Variants in MFSD6 observed in about 807,000 individuals in gnomAD.
The protein encoded by MFSD6 is major facilitator superfamily domain-containing protein 6.
Under a neutral mutation model 56.3 loss-of-function variants are expected in MFSD6, and 26 were observed. That is an observed-to-expected ratio of 0.46 (90% CI 0.34 to 0.64). MFSD6 has a LOEUF of 0.64. MFSD6 is among the 30% of genes least tolerant of loss of function. The pLI is 0.01. For missense variants in MFSD6, 750 were observed against 986.2 expected (o/e 0.76, Z 3.21); for synonymous variants, 331 against 366.9 (o/e 0.90, Z 1.12).
At chr2:190,472,648 G>C (rs1345262049) in intron 4 of MFSD6, among the ~76,000 whole-genome samples, 1 of 152,208 alleles carries the variant, frequency 6.6e-6, no homozygotes, top group Admixed American at 6.5e-5. Context: ...ATGGAACCAA[G>C]TTGGAAAACA....
chr2:190,463,857 G>T lies in MFSD6; in HGVS notation c.1533-5901G>T. The stretch of plus-strand genomic sequence containing the variant: ...ATAAATAAAATAAAAATAAAAAGCT[G>T]AGAATGATGGAGCCCAATCTAAGGG... On this transcript the variant is annotated intron_variant, in intron 3 of 7. Transcript: ENST00000392328. This position sits in a 1 kb window ranked among gnomAD's most constrained non-coding sequence, Gnocchi z 4.4. 1.0e-6 allele frequency: 1 copy of T among 979,974 alleles called. No individual in the cohort carries two copies. The highest frequency in any genetic ancestry group is 1.2e-6 in the Non-Finnish European group (1 of 825,140). 60.7% of individuals were successfully genotyped at this position (979,974 alleles called of 1,614,324 possible). A position where few individuals can be genotyped will look rare whatever the true frequency, so the allele number is the denominator to read the frequency against.
In MFSD6 at chr2:190,457,407, T is replaced by C. The variant is rs1416669190; in HGVS notation, c.1533-12351T>C. ...CCTAGCAGACCCCACTTCTTCCTGTTGGCCCCCTACCCCCAGGACTCAGAC... is the reference window on the plus strand; with the variant it reads ...CCTAGCAGACCCCACTTCTTCCTGTCGGCCCCCTACCCCCAGGACTCAGAC... On this transcript the variant is annotated intron_variant, in intron 3 of 7. Transcript: ENST00000392328. This position sits in a 1 kb window ranked among gnomAD's most constrained non-coding sequence, Gnocchi z 5.1. Among the ~76,000 whole-genome samples, 1 of 152,190 alleles carries C rather than the reference T, an allele frequency of 6.6e-6. No individual in the cohort carries two copies. The highest frequency in any genetic ancestry group is 2.4e-5 in the African/African-American group (1 of 41,440).
rs1036895766 is a variant in MFSD6 at position 190,500,800 on chromosome 2, A to G, written c.*582A>G. On this transcript the variant is annotated 3_prime_UTR_variant, in exon 8 of 8. Coordinates refer to ENST00000392328, the MANE Select transcript of MFSD6 (RefSeq NM_017694.4). This position sits in a 1 kb window ranked among gnomAD's most constrained non-coding sequence, Gnocchi z 5.3. Reference sequence around the variant, plus strand: ...AATGAAGTTAAAAGTTTCATCAGAAACTTTACATATCTTTAGCAAATATAT... The same window carrying G: ...AATGAAGTTAAAAGTTTCATCAGAAGCTTTACATATCTTTAGCAAATATAT... 2 of 152,982 alleles carry G rather than the reference A, an allele frequency of 1.3e-5. No individual in the cohort carries two copies. The highest frequency in any genetic ancestry group is 4.8e-5 in the African/African-American group (2 of 41,582). The allele number at this position is 152,982 out of a possible 1,614,324, so 9.5% of individuals were successfully genotyped here.
At chr2:190,477,953 A>G (rs1688435438) in intron 4 of MFSD6, among the ~76,000 whole-genome samples, 1 of 152,124 alleles carries the variant, frequency 6.6e-6, no homozygotes, top group Non-Finnish European at 1.5e-5. Flanking sequence ...GCATGGGGGA[A>G]GAGCTGTGTG....
chr2:190,450,185 T>C (rs1391958417), intron 3 of MFSD6, among the ~76,000 whole-genome samples: 1 of 152,162 alleles, frequency 6.6e-6, no homozygotes, highest in Non-Finnish European at 1.5e-5. Context: ...GTTTTTATTG[T>C]ACAAGTCAAA....
At chr2:190,411,161 GT>G (rs374442207) in intron 1 of MFSD6, 11,177 of 762,542 alleles carry the variant, frequency 0.015, 4 homozygotes, top group African/African-American at 0.029. Flanking sequence ...GTTGACAGTA[GT>G]TTTTTTTTTT....
In MFSD6 at chr2:190,438,652, T is replaced by C. The variant is rs1686262902; in HGVS notation, c.1532+1091T>C. On this transcript the variant is annotated intron_variant, in intron 3 of 7. Coordinates refer to ENST00000392328, the MANE Select transcript of MFSD6 (RefSeq NM_017694.4). This position sits in a 1 kb window ranked among gnomAD's most constrained non-coding sequence, Gnocchi z 5.2. ...TGTGGAGCCAACTCCACTTAAGCAT[T>C]CTTGCCTTACAGAAAAGTACGACAT... Among the ~76,000 whole-genome samples the C allele has an allele frequency of 6.6e-6, 1 of 152,232 alleles. No homozygotes were observed. Among genetic ancestry groups the C allele is most frequent in the South Asian group, 2.1e-4 (1 of 4,834 alleles).
Position 190,437,784 on chromosome 2 carries a change from C to T in MFSD6, c.1532+223C>T, listed in dbSNP as rs1158378413. Among the ~76,000 whole-genome samples the T allele has an allele frequency of 6.6e-6, 1 of 152,174 alleles. No homozygotes were observed. ...TCAAATAAACAAAGAATGGCTTCCT[C>T]TGCTCTCCCACCCCACAGAAAAGAC... On this transcript the variant is annotated intron_variant, in intron 3 of 7. Coordinates refer to ENST00000392328, the MANE Select transcript of MFSD6 (RefSeq NM_017694.4). This position sits in a 1 kb window ranked among gnomAD's most constrained non-coding sequence, Gnocchi z 5.9.
rs1248646448 is a variant in MFSD6, at chr2:190,424,872, G to C, written c.-54+9459G>C. On this transcript the variant is annotated intron_variant, in intron 2 of 7. Transcript: ENST00000392328. The surrounding 1 kb of genome is among the most constrained non-coding windows in gnomAD (Gnocchi z 5.9). ...TTTTTCAAAACTGCTTTAGCTATTC[G>C]TTTCTTTCCTTTTCTGTATAAATTT... Among the ~76,000 whole-genome samples the C allele has an allele frequency of 2.6e-5, 4 of 152,036 alleles. No homozygotes were observed. Among genetic ancestry groups the C allele is most frequent in the Non-Finnish European group, 5.9e-5 (4 of 68,008 alleles).
In MFSD6 at chr2:190,413,197, G is replaced by A. The variant is rs543346007; in HGVS notation, c.-175-2095G>A. Among the ~76,000 whole-genome samples, 9 of 152,130 alleles carry A rather than the reference G, an allele frequency of 5.9e-5. No individual in the cohort carries two copies. The highest frequency in any genetic ancestry group is 9.6e-5 in the African/African-American group (4 of 41,496). On this transcript the variant is annotated intron_variant, in intron 1 of 7. Coordinates refer to ENST00000392328, the MANE Select transcript of MFSD6 (RefSeq NM_017694.4). The surrounding 1 kb of genome is among the most constrained non-coding windows in gnomAD (Gnocchi z 4.1). ...TATGATGTAAATCTAGCTGAGCCAC[G>A]TGTTGATGATTATGTTGAAGAGATG...
chr2:190,408,328 C>T (rs2124969993), upstream of MFSD6: 1 of 152,068 alleles, frequency 6.6e-6, no homozygotes, highest in Admixed American at 6.6e-5. Flanking sequence ...CATCCCTCGC[C>T]TCGCCTCGCC....
chr2:190,456,292 G>T lies in MFSD6; in HGVS notation c.1533-13466G>T, dbSNP rs930803892. On this transcript the variant is annotated intron_variant, in intron 3 of 7. Transcript: ENST00000392328. The surrounding 1 kb of genome is among the most constrained non-coding windows in gnomAD (Gnocchi z 5.4). ...AATCCATGACTTAAATTTCACTTCA[G>T]ACAGAGAAGGTGTTTAGCATGGTGA... Among the ~76,000 whole-genome samples, 1 of 152,082 alleles carries T rather than the reference G, an allele frequency of 6.6e-6. No homozygotes were observed. Among genetic ancestry groups the T allele is most frequent in the African/African-American group, 2.4e-5 (1 of 41,388 alleles).
rs564876197 is a variant in MFSD6 at position 190,451,335 on chromosome 2, G to A, written c.1532+13774G>A. Among the ~76,000 whole-genome samples, 1 of 152,278 alleles carries A rather than the reference G, an allele frequency of 6.6e-6. No homozygotes were observed. Among genetic ancestry groups the A allele is most frequent in the African/African-American group, 2.4e-5 (1 of 41,560 alleles). ...CTTAAGATTAAATGAGATAATGCTA[G>A]CAAGCACATAATAAGTCCTCAACTA... On this transcript the variant is annotated intron_variant, in intron 3 of 7. Transcript: ENST00000392328. This position sits in a 1 kb window ranked among gnomAD's most constrained non-coding sequence, Gnocchi z 5.0.
intron 4 of MFSD6, among the ~76,000 whole-genome samples, chr2:190,482,757 C>G (rs1688745776): frequency 6.8e-6 from 1 of 147,386 alleles, no homozygotes. Flanking sequence ...GCATGTTGTA[C>G]AATCAGATAC....
chr2:190,437,594 CA>C lies in MFSD6; in HGVS notation c.1532+35del. ...CATGCTTACGATTGCTGCCCCTCAG[CA>C]ATTGAACTTTATCTTTTTATGGTTT... On this transcript the variant is annotated intron_variant, in intron 3 of 7. Coordinates refer to ENST00000392328, the MANE Select transcript of MFSD6 (RefSeq NM_017694.4). This position sits in a 1 kb window ranked among gnomAD's most constrained non-coding sequence, Gnocchi z 5.9. The C allele has an allele frequency of 6.3e-7, 1 of 1,583,926 alleles. No individual in the cohort carries two copies. The highest frequency in any genetic ancestry group is 1.4e-5 in the African/African-American group (1 of 73,786).
chr2:190,429,954 G>A (rs920090141), intron 2 of MFSD6, among the ~76,000 whole-genome samples: 3 of 151,670 alleles, frequency 2.0e-5, no homozygotes, highest in Non-Finnish European at 1.5e-5. Context: ...CCATTAACTC[G>A]TCATTTACAT....
intron 1 of MFSD6, among the ~76,000 whole-genome samples, chr2:190,408,757 G>A (rs1690423662): frequency 6.6e-6 from 1 of 151,950 alleles, no homozygotes; most frequent in Non-Finnish European, 1.5e-5. Context: ...GGTGCTGGGG[G>A]AGGCTGCCGC....
rs1337768351 is a variant in MFSD6 at position 190,417,980 on chromosome 2, GTGTGTGTGTGTGTGTGTGTGTA to G, written c.-54+2572_-54+2593del. Among the ~76,000 whole-genome samples, 2 of 151,086 alleles carry G rather than the reference GTGTGTGTGTGTGTGTGTGTGTA, an allele frequency of 1.3e-5. No individual in the cohort carries two copies. Among genetic ancestry groups the G allele is most frequent in the Non-Finnish European group, 2.9e-5 (2 of 67,802 alleles). Reference sequence around the variant, plus strand: ...ACCCTTTAGTGGTGTGTGTGTGTGTGTGTGTGTGTGTGTGTGTGTGTATGTGAGAGAGAGAGAGATGTGGTTT... The same window carrying G: ...ACCCTTTAGTGGTGTGTGTGTGTGTGTGTGAGAGAGAGAGAGATGTGGTTT... On this transcript the variant is annotated intron_variant, in intron 2 of 7. Coordinates refer to ENST00000392328, the MANE Select transcript of MFSD6 (RefSeq NM_017694.4). This position sits in a 1 kb window ranked among gnomAD's most constrained non-coding sequence, Gnocchi z 5.7.
In MFSD6 at chr2:190,488,510, A is replaced by T. The variant is rs185237231; in HGVS notation, c.1631-147A>T. The stretch of plus-strand genomic sequence containing the variant: ...CTCAGTGCCACTGAACCGTACATTT[A>T]AAAATGTGAAAATGGTAAATTTTTA... On this transcript the variant is annotated intron_variant, in intron 4 of 7. Coordinates refer to ENST00000392328, the MANE Select transcript of MFSD6 (RefSeq NM_017694.4). The surrounding 1 kb of genome is among the most constrained non-coding windows in gnomAD (Gnocchi z 6.4). 6.3e-3 allele frequency: 4,662 copies of T among 737,998 alleles called. 27 individuals are homozygous for T. Among genetic ancestry groups the T allele is most frequent in the Middle Eastern group, 0.013 (36 of 2,794 alleles). The allele number at this position is 737,998 out of a possible 1,614,324, so 45.7% of individuals were successfully genotyped here.
Sources: gnomAD v4.1 joint callset for allele counts (sites outside exome capture counted in the v4.1 genomes callset) on GRCh38, gnomAD v4.1.1 for gene constraint, Gnocchi (gnomAD v3.1) non-coding constraint, MANE v1.5 for transcripts, NCBI Gene and HGNC (gene_info 2026-07-23, HGNC 2026-07-21) for gene names.